The following ATG5 variants were observed in gnomAD, a reference collection of about 807,000 sequenced individuals.
ATG5 encodes the protein autophagy related 5.
A neutral mutation model predicts 36.5 loss-of-function variants in ATG5; 14 were observed. The observed-to-expected ratio is 0.38, with a 90% CI of 0.25 to 0.60. The LOEUF is 0.60. Ranked by LOEUF, ATG5 falls within the 20% of genes least tolerant of loss-of-function variation. The probability of loss-of-function intolerance (pLI) is 0.60; values close to 1 mark genes in which losing one functional copy is unlikely to be tolerated. For synonymous variants in ATG5, 95 were observed against 101.5 expected, an observed-to-expected ratio of 0.94 and a Z score of 0.38; for missense variants, 195 against 326.7, an observed-to-expected ratio of 0.60 and a Z score of 3.11.
At chr6:106,264,230 G>A (rs576161978) in intron 5 of ATG5, among the ~76,000 whole-genome samples, 2 of 152,172 alleles carry the variant, frequency 1.3e-5, no homozygotes, top group African/African-American at 4.8e-5. Flanking sequence ...TGATCAAGTG[G>A]AAGAAAGGAT....
At chr6:106,263,308 CA>C (rs923308682) in intron 5 of ATG5, among the ~76,000 whole-genome samples, 5 of 152,178 alleles carry the variant, frequency 3.3e-5, no homozygotes, top group African/African-American at 1.2e-4. Context: ...CCTCATTGGG[CA>C]GGGCATCTCT....
At chr6:106,294,786 T>C (rs1461056523) in intron 3 of ATG5, among the ~76,000 whole-genome samples, 1 of 144,570 alleles carries the variant, frequency 6.9e-6, no homozygotes, top group Non-Finnish European at 1.5e-5. Flanking sequence ...GAGGCTGCAG[T>C]GAGCCAAGAC....
chr6:106,277,123 T>C (rs1779688976), intron 5 of ATG5, among the ~76,000 whole-genome samples: 1 of 152,234 alleles, frequency 6.6e-6, no homozygotes, highest in Admixed American at 6.5e-5. Flanking sequence ...TTACTTGCTC[T>C]TGATACCACA....
At chr6:106,285,434 CTG>C (rs1780039844) in intron 4 of ATG5, among the ~76,000 whole-genome samples, 1 of 152,048 alleles carries the variant, frequency 6.6e-6, no homozygotes, top group Admixed American at 6.6e-5. Context: ...ATGGTGGACA[CTG>C]TGAATATGTT....
chr6:106,229,004 C>A (rs1777557722), intron 6 of ATG5, among the ~76,000 whole-genome samples: 1 of 152,264 alleles, frequency 6.6e-6, no homozygotes. Context: ...GAAGTCTCTA[C>A]TCAACAGTCG....
intron 7 of ATG5, among the ~76,000 whole-genome samples, chr6:106,187,385 A>G (rs1253368695): frequency 1.3e-5 from 2 of 152,126 alleles, no homozygotes; most frequent in African/African-American, 4.8e-5. Context: ...AATTAAACTT[A>G]AGATTTTGTG....
At chr6:106,295,025 C>T (rs1355808013) in intron 3 of ATG5, among the ~76,000 whole-genome samples, 1 of 149,886 alleles carries the variant, frequency 6.7e-6, no homozygotes, top group Non-Finnish European at 1.5e-5. Context: ...GAAAAACTCT[C>T]GCCTCAGTCA....
intron 7 of ATG5, among the ~76,000 whole-genome samples, chr6:106,196,645 C>A (rs748892277): frequency 1.3e-5 from 2 of 151,912 alleles, no homozygotes; most frequent in African/African-American, 4.8e-5. Context: ...ATTGCTTGAA[C>A]CTGGGAGGCA....
At chr6:106,229,281 A>G (rs1030766666) in intron 6 of ATG5, among the ~76,000 whole-genome samples, 1 of 152,232 alleles carries the variant, frequency 6.6e-6, no homozygotes, top group African/African-American at 2.4e-5. Context: ...TGATTTAGGT[A>G]TACAGCTCTA....
intron 5 of ATG5, among the ~76,000 whole-genome samples, chr6:106,252,952 T>A (rs1478885255): frequency 6.6e-6 from 1 of 152,228 alleles, no homozygotes; most frequent in Non-Finnish European, 1.5e-5. Flanking sequence ...GGGAACCCAC[T>A]CTTCACAAAA....
chr6:106,285,650 GTC>G (rs1780047576), intron 4 of ATG5, among the ~76,000 whole-genome samples: 1 of 152,168 alleles, frequency 6.6e-6, no homozygotes, highest in Non-Finnish European at 1.5e-5. Context: ...AGGTCATACA[GTC>G]TCTATCCCAA....
chr6:106,255,781 C>T (rs1778776986), intron 5 of ATG5, among the ~76,000 whole-genome samples: 1 of 152,138 alleles, frequency 6.6e-6, no homozygotes, highest in South Asian at 2.1e-4. Flanking sequence ...CTCCCATTTT[C>T]CCTTCATCCA....
rs928206897 is a variant in ATG5 at position 106,188,989 on chromosome 6, G to C, written c.692-2313C>G. On this transcript the variant is annotated intron_variant, in intron 7 of 7. Coordinates refer to ENST00000369076, the MANE Select transcript of ATG5 (RefSeq NM_004849.4). Reference sequence around the variant, plus strand: ...AATAGGGCAGCAGAAACTTCAAACCGAAGTTTCTCTCTTATTTGTTACTCT... The same window carrying C: ...AATAGGGCAGCAGAAACTTCAAACCCAAGTTTCTCTCTTATTTGTTACTCT... Among the ~76,000 whole-genome samples, 6 of 152,236 alleles carry C rather than the reference G, an allele frequency of 3.9e-5. No homozygotes were observed. The Middle Eastern group carries it at 0.014, about 345-fold the overall frequency.
At chr6:106,192,708 T>C (rs972081376) in intron 7 of ATG5, among the ~76,000 whole-genome samples, 54 of 152,356 alleles carry the variant, frequency 3.5e-4, no homozygotes, top group African/African-American at 1.2e-3. Flanking sequence ...AGAAAATGAC[T>C]TGATTTGCTA....
At chr6:106,239,460 A>C (rs967615960) in intron 6 of ATG5, among the ~76,000 whole-genome samples, 1 of 152,210 alleles carries the variant, frequency 6.6e-6, no homozygotes, top group South Asian at 2.1e-4. Context: ...ACAGGACACT[A>C]TGGGGAACTG....
intron 4 of ATG5, among the ~76,000 whole-genome samples, 160 bp from the exon 5 acceptor site, chr6:106,279,983 T>C (rs555921677): frequency 1.3e-5 from 2 of 152,268 alleles, no homozygotes; most frequent in African/African-American, 4.8e-5. Flanking sequence ...TAAAAATCTT[T>C]AGCTATTTGG....
intron 6 of ATG5, among the ~76,000 whole-genome samples, chr6:106,209,029 C>A (rs889509286): frequency 6.6e-6 from 1 of 152,092 alleles, no homozygotes; most frequent in African/African-American, 2.4e-5. Flanking sequence ...AGTGGTAACA[C>A]CAAATGCTGG....
chr6:106,209,343 A>G (rs1776766512), intron 6 of ATG5, among the ~76,000 whole-genome samples: 1 of 152,232 alleles, frequency 6.6e-6, no homozygotes, highest in African/African-American at 2.4e-5. Flanking sequence ...AATACTACTC[A>G]GCAATAAAAA....
intron 6 of ATG5, among the ~76,000 whole-genome samples, chr6:106,231,951 G>A (rs900787941): frequency 3.3e-5 from 5 of 152,244 alleles, no homozygotes; most frequent in East Asian, 1.9e-4. Context: ...CTTCCAGTGC[G>A]GTCTACAAGG....
Sources: gnomAD v4.1 joint callset for allele counts (sites outside exome capture counted in the v4.1 genomes callset) on GRCh38, gnomAD v4.1.1 for gene constraint, MANE v1.5 for transcripts, NCBI Gene and HGNC (gene_info 2026-07-23, HGNC 2026-07-21) for gene names.